PIEZO2: variants seen among roughly 807,000 people sequenced by gnomAD.
The protein encoded by PIEZO2 is piezo-type mechanosensitive ion channel component 2.
In PIEZO2, 172 loss-of-function variants were observed where a neutral mutation model predicts 337.3. The ratio of observed to expected loss-of-function variants is 0.51; its 90% CI spans 0.45 to 0.58. The LOEUF is 0.58. PIEZO2 is among the 20% of genes least tolerant of loss of function. The pLI is 0.00. For missense variants in PIEZO2, 3,028 were observed against 3,391.3 expected (o/e 0.89, Z 2.66); for synonymous variants, 1,251 against 1,228.5 (o/e 1.02, Z -0.38).
At position 10,929,769 on chromosome 18, in the gene PIEZO2, A is replaced by G. The variant is rs1414777517; in HGVS notation, c.287-18541T>C. On this transcript the variant is annotated intron_variant, in intron 3 of 55. Transcript: ENST00000674853. This position sits in a 1 kb window ranked among gnomAD's most constrained non-coding sequence, Gnocchi z 5.6. ...GAGATCTTGGGTTTATAAAAGTAGG[A>G]GTGGTGGGAGATATGTTATTATTTC... Among the ~76,000 whole-genome samples, 1 of 152,134 alleles carries G rather than the reference A, an allele frequency of 6.6e-6. No homozygotes were observed. Among genetic ancestry groups the G allele is most frequent in the Non-Finnish European group, 1.5e-5 (1 of 68,026 alleles).
chr18:10,960,678 C>A (rs994289625), intron 3 of PIEZO2, among the ~76,000 whole-genome samples: 3 of 151,966 alleles, frequency 2.0e-5, no homozygotes, highest in African/African-American at 7.3e-5. Context: ...GTCCCCCAAC[C>A]TTAATTTAAA....
chr18:10,746,292 G>A lies in PIEZO2; in HGVS notation c.4425-2061C>T, dbSNP rs147965797. On this transcript the variant is annotated intron_variant, in intron 30 of 55. Coordinates refer to ENST00000674853, the MANE Select transcript of PIEZO2 (RefSeq NM_001378183.1). The surrounding 1 kb of genome is among the most constrained non-coding windows in gnomAD (Gnocchi z 4.2). The stretch of plus-strand genomic sequence containing the variant: ...CATATCTGGGCTGATAGCCCCCTGA[G>A]GACCTGGCCTCTCCTGGCCTGGAGC... Among the ~76,000 whole-genome samples, 316 of 152,308 alleles carry A rather than the reference G, an allele frequency of 2.1e-3. 1 individual carries two copies. Among genetic ancestry groups the A allele is most frequent in the African/African-American group, 6.8e-3 (282 of 41,578 alleles).
intron 30 of PIEZO2, among the ~76,000 whole-genome samples, chr18:10,745,446 G>A (rs2037386706): frequency 6.6e-6 from 1 of 152,044 alleles, no homozygotes; most frequent in African/African-American, 2.4e-5. Flanking sequence ...ATGTCTTGCG[G>A]TCATGTCTCT....
rs573169974 is a variant in PIEZO2, at chr18:11,069,459, A to G, written c.65-3237T>C. ...TCTTCTCAAAAGATGCAGAAAAACT[A>G]TCTGACAAAATTCAACACCCTTCAT... On this transcript the variant is annotated intron_variant, in intron 1 of 55. Transcript: ENST00000674853. The surrounding 1 kb of genome is among the most constrained non-coding windows in gnomAD (Gnocchi z 4.9). 1.3e-5 allele frequency among the ~76,000 whole-genome samples: 2 copies of G among 152,340 alleles called. No homozygotes were observed. Among genetic ancestry groups the G allele is most frequent in the African/African-American group, 4.8e-5 (2 of 41,582 alleles).
rs957845713 is a variant in PIEZO2 at position 10,821,483 on chromosome 18, A to G, written c.918-14209T>C. Among the ~76,000 whole-genome samples the G allele has an allele frequency of 1.3e-5, 2 of 152,220 alleles. No homozygotes were observed. The highest frequency in any genetic ancestry group is 2.9e-5 in the Non-Finnish European group (2 of 68,042). On this transcript the variant is annotated intron_variant, in intron 7 of 55. Transcript: ENST00000674853. This position sits in a 1 kb window ranked among gnomAD's most constrained non-coding sequence, Gnocchi z 4.2. ...AGAAGTAGAATGTTCTGATTAAAAC[A>G]ATATTTTTATCAAAGGCTTACTATA...
rs1315830906 is a variant in PIEZO2, at chr18:11,081,964, T to C, written c.65-15742A>G. ...TAGTAGAGACGGGGTTTCACCATATTGGTCAGGCTGATCTCGAGCTCCTGA... is the reference window on the plus strand; with the variant it reads ...TAGTAGAGACGGGGTTTCACCATATCGGTCAGGCTGATCTCGAGCTCCTGA... On this transcript the variant is annotated intron_variant, in intron 1 of 55. Transcript: ENST00000674853. 2.6e-5 allele frequency among the ~76,000 whole-genome samples: 4 copies of C among 152,144 alleles called. No homozygotes were observed. The East Asian group carries it at 7.8e-4, about 30-fold the overall frequency.
intron 36 of PIEZO2, among the ~76,000 whole-genome samples, chr18:10,723,060 C>G (rs567720641): frequency 6.7e-6 from 1 of 149,312 alleles, no homozygotes; most frequent in African/African-American, 2.5e-5. Context: ...CTCTGCCTTC[C>G]GGATTCAAGC....
chr18:10,979,134 T>C lies in PIEZO2; in HGVS notation c.286+401A>G, dbSNP rs990938408. On this transcript the variant is annotated intron_variant, in intron 3 of 55. Coordinates refer to ENST00000674853, the MANE Select transcript of PIEZO2 (RefSeq NM_001378183.1). This position sits in a 1 kb window ranked among gnomAD's most constrained non-coding sequence, Gnocchi z 4.0. ...CTTTGTAATAGGATTAATGTCATAG[T>C]CATGTAATTTCATATAATATTATTC... 6.6e-6 allele frequency among the ~76,000 whole-genome samples: 1 copy of C among 152,118 alleles called. No homozygotes were observed. The highest frequency in any genetic ancestry group is 2.4e-5 in the African/African-American group (1 of 41,432).
At chr18:10,704,715 G>C in intron 41 of PIEZO2, 63 bp from the exon 42 acceptor site, 1 of 1,493,024 alleles carries the variant, frequency 6.7e-7, no homozygotes, top group Non-Finnish European at 8.9e-7. Flanking sequence ...ATGGAGTTTT[G>C]CTCTTGTTGC....
At position 10,783,645 on chromosome 18, in the gene PIEZO2, G is replaced by A. The variant is rs1470424271; in HGVS notation, c.2492+1139C>T. ...CCTTGGGAGCAGAGAGGTTTTAGCA[G>A]AGCCTGATTTTCCTGGTGGCTAGAT... is the stretch of plus-strand genomic sequence containing the variant. On this transcript the variant is annotated intron_variant, in intron 17 of 55. Transcript: ENST00000674853. This position sits in a 1 kb window ranked among gnomAD's most constrained non-coding sequence, Gnocchi z 4.3. Among the ~76,000 whole-genome samples the A allele has an allele frequency of 6.6e-6, 1 of 152,152 alleles. No individual in the cohort carries two copies. The highest frequency in any genetic ancestry group is 1.5e-5 in the Non-Finnish European group (1 of 68,044).
At chr18:10,909,776 A>T (rs2030295942) in intron 4 of PIEZO2, among the ~76,000 whole-genome samples, 1 of 152,188 alleles carries the variant, frequency 6.6e-6, no homozygotes, top group Admixed American at 6.5e-5. Context: ...TTAGAAAAAG[A>T]TTTCACATGG....
intron 3 of PIEZO2, among the ~76,000 whole-genome samples, chr18:10,917,548 C>T (rs1347584825): frequency 2.6e-5 from 4 of 152,160 alleles, no homozygotes; most frequent in African/African-American, 4.8e-5. Flanking sequence ...AAAGTAACTT[C>T]GTTTTCCCTC....
chr18:11,106,143 A>G (rs2039552671), intron 1 of PIEZO2, among the ~76,000 whole-genome samples: 1 of 152,010 alleles, frequency 6.6e-6, no homozygotes, highest in Non-Finnish European at 1.5e-5. Context: ...GCTGGAGTGC[A>G]GTGGTGCATC....
At chr18:11,041,828 C>T (rs972063508) in intron 2 of PIEZO2, among the ~76,000 whole-genome samples, 17 of 152,154 alleles carry the variant, frequency 1.1e-4, no homozygotes, top group African/African-American at 3.9e-4. Context: ...AGCAGAGTAA[C>T]ATCCATTCAT....
At chr18:10,811,883 G>T (rs962863992) in intron 7 of PIEZO2, among the ~76,000 whole-genome samples, 1 of 152,176 alleles carries the variant, frequency 6.6e-6, no homozygotes, top group Non-Finnish European at 1.5e-5. Flanking sequence ...GCCCAGGCTG[G>T]AGTGCAGTGG....
In PIEZO2 at chr18:10,676,109, T is replaced by C. The variant is rs2033989523; in HGVS notation, c.8082-821A>G. Among the ~76,000 whole-genome samples the C allele has an allele frequency of 6.6e-6, 1 of 152,196 alleles. No individual in the cohort carries two copies. Among genetic ancestry groups the C allele is most frequent in the Non-Finnish European group, 1.5e-5 (1 of 68,040 alleles). On this transcript the variant is annotated intron_variant, in intron 53 of 55. Transcript: ENST00000674853. The surrounding 1 kb of genome is among the most constrained non-coding windows in gnomAD (Gnocchi z 5.1). ...GGGAGTGAGAGGTGAAGAGAGATGG[T>C]GGCCTGGACCTCGAGTGACCTCTGC...
chr18:10,782,329 A>C (rs1265553243), intron 17 of PIEZO2, among the ~76,000 whole-genome samples: 1 of 88,990 alleles, frequency 1.1e-5, no homozygotes, highest in East Asian at 3.3e-4. Context: ...TATTATAATT[A>C]TATATAAATA....
In PIEZO2 at chr18:11,125,730, A is replaced by G. The variant is rs1321417864; in HGVS notation, c.64+22795T>C. Among the ~76,000 whole-genome samples the G allele has an allele frequency of 7.9e-5, 12 of 152,226 alleles. No individual in the cohort carries two copies. The highest frequency in any genetic ancestry group is 1.5e-5 in the Non-Finnish European group (1 of 68,032). On this transcript the variant is annotated intron_variant, in intron 1 of 55. Transcript: ENST00000674853. The surrounding 1 kb of genome is among the most constrained non-coding windows in gnomAD (Gnocchi z 4.4). ...AGGGCAGGACAACATTCCAGCCCCC[A>G]CTGACAGCAACTCCGGATCCTCTCT... is the stretch of plus-strand genomic sequence containing the variant.
rs893265909 is a variant in PIEZO2 at position 10,929,643 on chromosome 18, C to T, written c.287-18415G>A. ...ACCTCTCGGGTCTCAGGACAGATCC[C>T]GCTATCCTCTCCCATAACTTAGTCT... On this transcript the variant is annotated intron_variant, in intron 3 of 55. Coordinates refer to ENST00000674853, the MANE Select transcript of PIEZO2 (RefSeq NM_001378183.1). The surrounding 1 kb of genome is among the most constrained non-coding windows in gnomAD (Gnocchi z 5.6). Among the ~76,000 whole-genome samples, 1 of 152,178 alleles carries T rather than the reference C, an allele frequency of 6.6e-6. No individual in the cohort carries two copies. Among genetic ancestry groups the T allele is most frequent in the Non-Finnish European group, 1.5e-5 (1 of 68,042 alleles).
Sources: allele counts gnomAD v4.1 joint callset (sites outside exome capture counted in the v4.1 genomes callset), GRCh38; gene constraint gnomAD v4.1.1; non-coding constraint Gnocchi (gnomAD v3.1); transcripts MANE v1.5; gene names NCBI Gene and HGNC (gene_info 2026-07-23, HGNC 2026-07-21).